The following MAF variants were observed in gnomAD, a reference collection of about 807,000 sequenced individuals.
MAF encodes the protein MAF bZIP transcription factor.
MAF carries 10 observed loss-of-function variants against 22.0 expected under a neutral mutation model. The ratio of observed to expected loss-of-function variants is 0.45; its 90% CI spans 0.28 to 0.77. The LOEUF (loss-of-function observed/expected upper bound fraction) is 0.77. Ranked by LOEUF, MAF falls within the 30% of genes least tolerant of loss-of-function variation. MAF has a pLI of 0.12. For missense variants in MAF, 544 were observed against 548.4 expected (o/e 0.99, Z 0.08); for synonymous variants, 337 against 255.8 (o/e 1.32, Z -3.03).
At chr16:79,418,392 T>C in the MAF span, among the ~76,000 whole-genome samples, 2 of 152,120 alleles carry the variant, frequency 1.3e-5, no homozygotes, top group Middle Eastern at 3.4e-3. Context: ...GTGTCCTACG[T>C]TGGGGCTGGG....
At chr16:79,423,187 T>C in the MAF span, among the ~76,000 whole-genome samples, 2,879 of 152,328 alleles carry the variant, frequency 0.019, 163 homozygotes, top group East Asian at 0.21. Flanking sequence ...GATGTACCTA[T>C]ACCGCAAGAG....
the MAF span, among the ~76,000 whole-genome samples, chr16:79,499,696 C>A: frequency 6.6e-6 from 1 of 152,148 alleles, no homozygotes; most frequent in African/African-American, 2.4e-5. Flanking sequence ...TAACCAGACA[C>A]CAAATGGGCT....
chr16:79,440,976 G>A, the MAF span, among the ~76,000 whole-genome samples: 2 of 152,198 alleles, frequency 1.3e-5, no homozygotes, highest in Non-Finnish European at 2.9e-5. Flanking sequence ...CTATTATGCG[G>A]TGATGTGGAG....
chr16:79,241,447 C>T, the MAF span, among the ~76,000 whole-genome samples: 2 of 151,952 alleles, frequency 1.3e-5, no homozygotes, highest in African/African-American at 4.8e-5. Flanking sequence ...ATATCAGATA[C>T]TGAAGATTAA....
the MAF span, among the ~76,000 whole-genome samples, chr16:79,397,255 G>A: frequency 6.6e-6 from 1 of 152,140 alleles, no homozygotes; most frequent in Non-Finnish European, 1.5e-5. Flanking sequence ...CTTTACCGTG[G>A]TTTTCTTGCC....
the MAF span, among the ~76,000 whole-genome samples, chr16:79,543,892 T>C: frequency 6.6e-6 from 1 of 151,950 alleles, no homozygotes; most frequent in African/African-American, 2.4e-5. Context: ...TTCATCGTTT[T>C]AGCCAAGATG....
At chr16:79,461,358 C>G in the MAF span, among the ~76,000 whole-genome samples, 2 of 152,170 alleles carry the variant, frequency 1.3e-5, no homozygotes, top group Non-Finnish European at 2.9e-5. Flanking sequence ...GCTCAGCTGT[C>G]TCTCTACGGC....
the MAF span, among the ~76,000 whole-genome samples, chr16:79,380,224 T>C: frequency 6.6e-6 from 1 of 152,244 alleles, no homozygotes; most frequent in Non-Finnish European, 1.5e-5. Flanking sequence ...TCACTTGAGA[T>C]TCTAAGTGAT....
chr16:79,228,553 C>T, the MAF span, among the ~76,000 whole-genome samples: 1 of 152,078 alleles, frequency 6.6e-6, no homozygotes, highest in African/African-American at 2.4e-5. Context: ...CATTGATCTT[C>T]CTGATCCCTG....
the MAF span, among the ~76,000 whole-genome samples, chr16:79,221,866 A>T: frequency 6.6e-6 from 1 of 152,194 alleles, no homozygotes; most frequent in Admixed American, 6.5e-5. Context: ...CAATTTAATT[A>T]TGTTTAACCC....
At chr16:79,219,684 G>A in the MAF span, among the ~76,000 whole-genome samples, 1 of 151,106 alleles carries the variant, frequency 6.6e-6, no homozygotes. Context: ...ACCATTGTAC[G>A]TCTCCACTCC....
At chr16:79,344,037 T>C in the MAF span, among the ~76,000 whole-genome samples, 1 of 152,206 alleles carries the variant, frequency 6.6e-6, no homozygotes, top group Non-Finnish European at 1.5e-5. Context: ...AGTATCTGCA[T>C]TCAAAAGAAA....
At chr16:79,382,129 A>C in the MAF span, among the ~76,000 whole-genome samples, 3 of 152,268 alleles carry the variant, frequency 2.0e-5, no homozygotes, top group African/African-American at 7.2e-5. Flanking sequence ...TCTTGTTCCA[A>C]AATGCCACAA....
chr16:79,346,740 T>A, the MAF span, among the ~76,000 whole-genome samples: 3 of 152,202 alleles, frequency 2.0e-5, no homozygotes, highest in Non-Finnish European at 4.4e-5. Context: ...ATATTTGTAA[T>A]GGAGACTGAA....
chr16:79,542,359 G>C, the MAF span, among the ~76,000 whole-genome samples: 1 of 152,146 alleles, frequency 6.6e-6, no homozygotes, highest in African/African-American at 2.4e-5. Flanking sequence ...TGTTATTTTT[G>C]GACCATGCCA....
the MAF span, among the ~76,000 whole-genome samples, chr16:79,431,253 G>A: frequency 2.0e-5 from 3 of 152,186 alleles, no homozygotes; most frequent in South Asian, 2.1e-4. Context: ...GCAGCGTGGT[G>A]ATGAGCCCCA....
downstream of MAF, among the ~76,000 whole-genome samples, chr16:79,585,230 G>A (rs377160997): frequency 6.6e-6 from 1 of 152,078 alleles, no homozygotes; most frequent in Non-Finnish European, 1.5e-5. Flanking sequence ...CATTTAAATA[G>A]CTCAATTCCA....
At chr16:79,551,531 G>C in the MAF span, among the ~76,000 whole-genome samples, 8 of 152,244 alleles carry the variant, frequency 5.3e-5, no homozygotes, top group African/African-American at 1.9e-4. Context: ...TCTGTCTCCA[G>C]GACCTTTTGA....
chr16:79,442,967 G>A, the MAF span, among the ~76,000 whole-genome samples: 1 of 152,176 alleles, frequency 6.6e-6, no homozygotes, highest in Admixed American at 6.5e-5. Context: ...AATAAGGGTG[G>A]ATGAAAGGTT....
Sources: allele counts gnomAD v4.1 joint callset (sites outside exome capture counted in the v4.1 genomes callset), GRCh38; gene constraint gnomAD v4.1.1; transcripts MANE v1.5; gene names NCBI Gene and HGNC (gene_info 2026-07-23, HGNC 2026-07-21).